ACP1: variants seen among roughly 807,000 people sequenced by gnomAD.
The protein encoded by ACP1 is acid phosphatase 1.
A neutral mutation model predicts 23.4 loss-of-function variants in ACP1; 23 were observed. The ratio of observed to expected loss-of-function variants is 0.98; its 90% CI spans 0.71 to 1.39. ACP1 has a LOEUF of 1.39. Ranked by LOEUF, ACP1 falls within the 40% of genes most tolerant of loss-of-function variation. ACP1 has a pLI of 0.00. For synonymous variants in ACP1, 72 were observed against 67.2 expected, an observed-to-expected ratio of 1.07 and a Z score of -0.35; for missense variants, 180 against 197.7, an observed-to-expected ratio of 0.91 and a Z score of 0.54.
chr2:266,128 A>G (rs527383622), intron 1 of ACP1, among the ~76,000 whole-genome samples: 6 of 152,342 alleles, frequency 3.9e-5, no homozygotes, highest in East Asian at 1.9e-4. Flanking sequence ...AAATTTTACT[A>G]TAATTATTTG....
chr2:264,987 C>A lies in ACP1; in HGVS notation c.23C>A (p.Ser8Tyr). The A allele has an allele frequency of 6.2e-7, 1 of 1,613,286 alleles. No homozygotes were observed. The highest frequency in any genetic ancestry group is 8.5e-7 in the Non-Finnish European group (1 of 1,179,656). Reference protein sequence around the residue: MAEQATKSVLFVCLGNIC... With the variant: MAEQATKYVLFVCLGNIC... ...AAGATGGCGGAACAGGCTACCAAGT[C>A]CGTGCTGTTTGTGTGTCTGGGTAAG... The change falls in exon 1 of 6, where the codon TCC becomes TAC. Residue 8 changes from serine (S) to tyrosine (Y), a missense_variant. This residue lies in a region of ACP1 where 132 missense variants were observed against 124.1 expected (regional missense o/e 1.06). Transcript: ENST00000272065.
At chr2:272,478 T>G (rs567936422) in intron 3 of ACP1, 1 of 1,434,194 alleles carries the variant, frequency 7.0e-7, no homozygotes, top group South Asian at 1.5e-5. Context: ...AAGACTTGCC[T>G]GACTTTGGAA....
chr2:269,134 T>G (rs575016902), intron 1 of ACP1, among the ~76,000 whole-genome samples: 1 of 152,354 alleles, frequency 6.6e-6, no homozygotes, highest in Non-Finnish European at 1.5e-5. Flanking sequence ...GTAAAAGAGT[T>G]ACACACCCAT....
chr2:265,063 C>T, intron 1 of ACP1, 56 bp downstream of exon 1: 2 of 1,601,674 alleles, frequency 1.2e-6, no homozygotes, highest in Non-Finnish European at 1.7e-6. Flanking sequence ...TTGGATCGGG[C>T]TTGTGCGCTG....
At position 271,198 on chromosome 2, in the gene ACP1, TCCTTA is replaced by T. The variant is rs539093219; in HGVS notation, c.44-667_44-663del. Among the ~76,000 whole-genome samples the T allele has an allele frequency of 5.2e-3, 799 of 152,348 alleles. 8 individuals are homozygous for T. Among genetic ancestry groups the T allele is most frequent in the African/African-American group, 0.018 (760 of 41,584 alleles). ...GTATTGTTTTGTGAAACAGTAGTCA[TCCTTA>T]TGTGTGATATACTTGAAAATACATA... On this transcript the variant is annotated intron_variant, in intron 1 of 5. Transcript: ENST00000272065.
chr2:277,676 G>C lies in ACP1; in HGVS notation c.*372G>C, dbSNP rs1170681993. 2 of 250,578 alleles carry C rather than the reference G, an allele frequency of 8.0e-6. No individual in the cohort carries two copies. Among genetic ancestry groups the C allele is most frequent in the Non-Finnish European group, 1.6e-5 (2 of 126,556 alleles). The allele number at this position is 250,578 out of a possible 1,614,324, so 15.5% of individuals were successfully genotyped here. The stretch of plus-strand genomic sequence containing the variant: ...TTAGATAATCGAGTCTACCTCTTCA[G>C]TAGGTTTGTGTGGATGGCCTGGAGG... On this transcript the variant is annotated 3_prime_UTR_variant, in exon 6 of 6. Coordinates refer to ENST00000272065, the MANE Select transcript of ACP1 (RefSeq NM_004300.4).
At chr2:266,904 T>C (rs887138148) in intron 1 of ACP1, among the ~76,000 whole-genome samples, 3 of 152,126 alleles carry the variant, frequency 2.0e-5, no homozygotes, top group Non-Finnish European at 2.9e-5. Flanking sequence ...ACTCTTATGA[T>C]TTCGGGCCAT....
chr2:269,581 G>A (rs1378016883), intron 1 of ACP1, among the ~76,000 whole-genome samples: 1 of 152,160 alleles, frequency 6.6e-6, no homozygotes, highest in East Asian at 1.9e-4. Flanking sequence ...AGCTCCTAAT[G>A]TCTGGACTCA....
intron 3 of ACP1, chr2:272,504 G>T: frequency 1.4e-6 from 2 of 1,424,552 alleles, no homozygotes; most frequent in Non-Finnish European, 1.8e-6. Flanking sequence ...TTATTAAAAT[G>T]CACATAAAAG....
rs563630240 is a variant in ACP1 at position 268,590 on chromosome 2, G to A, written c.44-3276G>A. Among the ~76,000 whole-genome samples the A allele has an allele frequency of 7.2e-5, 11 of 152,306 alleles. No individual in the cohort carries two copies. In the East Asian group the frequency reaches 2.1e-3, roughly 29 times the overall value. ...ATACTGGGTGCTGGGTCTCTTACCA[G>A]GTATAGCAGACACAGCCCCACCCTC... is the stretch of plus-strand genomic sequence containing the variant. On this transcript the variant is annotated intron_variant, in intron 1 of 5. Transcript: ENST00000272065.
chr2:271,808 G>A, intron 1 of ACP1, 58 bp from the exon 2 acceptor site: 1 of 1,353,298 alleles, frequency 7.4e-7, no homozygotes, highest in Non-Finnish European at 1.1e-6. Flanking sequence ...AAGGGGAGCT[G>A]GCATGTGCCC....
At chr2:265,053 T>C (rs111546542) in intron 1 of ACP1, 46 bp downstream of exon 1, 12 of 1,606,078 alleles carry the variant, frequency 7.5e-6, no homozygotes, top group African/African-American at 2.7e-5. Flanking sequence ...CTCTGGAGAG[T>C]TGGATCGGGC....
rs1670133537 is a variant in ACP1 at position 274,936 on chromosome 2, T to G, written c.232-204T>G. The G allele has an allele frequency of 1.1e-5, 4 of 372,578 alleles. No individual in the cohort carries two copies. In the East Asian group the frequency reaches 1.5e-4, roughly 14 times the overall value. 23.1% of individuals were successfully genotyped at this position (372,578 alleles called of 1,614,324 possible). Reference sequence around the variant, plus strand: ...ATTTTATGATTATTGTATGGAACTTTATAATACAAAATTTCTTTGCAGTAC... The same window carrying G: ...ATTTTATGATTATTGTATGGAACTTGATAATACAAAATTTCTTTGCAGTAC... On this transcript the variant is annotated intron_variant, in intron 3 of 5. Transcript: ENST00000272065.
At chr2:270,436 C>A (rs1669997223) in intron 1 of ACP1, among the ~76,000 whole-genome samples, 1 of 152,154 alleles carries the variant, frequency 6.6e-6, no homozygotes, top group African/African-American at 2.4e-5. Context: ...CCTTTCCCTT[C>A]CTCTGTCCAT....
intron 4 of ACP1, among the ~76,000 whole-genome samples, chr2:276,379 G>A (rs74386643): frequency 6.6e-6 from 1 of 152,314 alleles, no homozygotes; most frequent in East Asian, 1.9e-4. Flanking sequence ...CCCACATAAA[G>A]CACGTACCTG....
chr2:269,249 A>G (rs779128820), intron 1 of ACP1: 6 of 464,522 alleles, frequency 1.3e-5, no homozygotes, highest in Non-Finnish European at 1.8e-5. Flanking sequence ...ACAAATTAGC[A>G]TATAGAGGGT....
intron 5 of ACP1, 25 bp downstream of exon 5, chr2:277,110 C>T: frequency 6.3e-7 from 1 of 1,578,886 alleles, no homozygotes. Context: ...CGTTTTAGGG[C>T]TAATATGAAG....
Position 272,555 on chromosome 2 carries a change from G to A in ACP1, c.231+405G>A, listed in dbSNP as rs1000313362. ...TGAGAGAGCCTGACTGTGAGCTGGG[G>A]CTGAGCGGTGCTCTGTCTTCTGTTC... On this transcript the variant is annotated intron_variant, in intron 3 of 5. Transcript: ENST00000272065. 1.0e-5 allele frequency: 12 copies of A among 1,156,818 alleles called. No homozygotes were observed. The African/African-American group carries it at 1.9e-4, about 18-fold the overall frequency. The allele number at this position is 1,156,818 out of a possible 1,614,324, so 71.7% of individuals were successfully genotyped here.
At chr2:270,041 C>G (rs1669988143) in intron 1 of ACP1, among the ~76,000 whole-genome samples, 1 of 152,184 alleles carries the variant, frequency 6.6e-6, no homozygotes, top group Non-Finnish European at 1.5e-5. Context: ...CACTCTGACA[C>G]TGTCTTGTAT....
Sources: gnomAD v4.1 joint callset for allele counts (sites outside exome capture counted in the v4.1 genomes callset) on GRCh38, gnomAD v4.1.1 for gene constraint, gnomAD v4.1.1 regional missense constraint, MANE v1.5 for transcripts, NCBI Gene and HGNC (gene_info 2026-07-23, HGNC 2026-07-21) for gene names.